SKAP2: variants seen among roughly 807,000 people sequenced by gnomAD.
The protein encoded by SKAP2 is src kinase-associated phosphoprotein 2.
Under a neutral mutation model 54.9 loss-of-function variants are expected in SKAP2, and 28 were observed. The ratio of observed to expected loss-of-function variants is 0.51; its 90% CI spans 0.38 to 0.70. SKAP2 has a LOEUF of 0.70. Ranked by LOEUF, SKAP2 falls within the 30% of genes least tolerant of loss-of-function variation. SKAP2 has a pLI of 0.00. For missense variants in SKAP2, 356 were observed against 424.1 expected (o/e 0.84, Z 1.41); for synonymous variants, 137 against 134.3 (o/e 1.02, Z -0.14).
At chr7:26,759,074 G>A (rs1404530438) in intron 4 of SKAP2, among the ~76,000 whole-genome samples, 1 of 152,152 alleles carries the variant, frequency 6.6e-6, no homozygotes, top group Non-Finnish European at 1.5e-5. Flanking sequence ...TCAAACTGAT[G>A]TAAAAATATG....
intron 4 of SKAP2, among the ~76,000 whole-genome samples, chr7:26,831,894 T>C (rs983396750): frequency 6.6e-6 from 1 of 152,090 alleles, no homozygotes; most frequent in Non-Finnish European, 1.5e-5. Context: ...AATCCTCATC[T>C]CCCATTCTCC....
chr7:26,857,535 G>C, intron 1 of SKAP2: 1 of 985,340 alleles, frequency 1.0e-6, no homozygotes, highest in African/African-American at 1.7e-5. Context: ...GCCGGTGTCT[G>C]AGCAACACAC....
intron 4 of SKAP2, among the ~76,000 whole-genome samples, chr7:26,757,477 G>A (rs144757523): frequency 2.6e-5 from 4 of 152,174 alleles, no homozygotes; most frequent in Middle Eastern, 3.4e-3. Flanking sequence ...AAGATCAGAC[G>A]GTTGCAGATG....
At chr7:26,744,845 T>A (rs896642163) in intron 4 of SKAP2, among the ~76,000 whole-genome samples, 2 of 152,108 alleles carry the variant, frequency 1.3e-5, no homozygotes, top group East Asian at 3.8e-4. Flanking sequence ...CAAAGTGCAA[T>A]GACTCAGAGA....
At chr7:26,724,417 G>T (rs983295844) in intron 9 of SKAP2, among the ~76,000 whole-genome samples, 1 of 151,986 alleles carries the variant, frequency 6.6e-6, no homozygotes, top group African/African-American at 2.4e-5. Context: ...CTAGTCAATG[G>T]TACAGCCAGA....
At chr7:26,819,122 C>T (rs1784331464) in intron 4 of SKAP2, among the ~76,000 whole-genome samples, 1 of 152,112 alleles carries the variant, frequency 6.6e-6, no homozygotes, top group Admixed American at 6.5e-5. Flanking sequence ...CACATGCACA[C>T]ATATGTTTAT....
downstream of SKAP2, chr7:26,667,025 A>G (rs1786115520): frequency 6.6e-6 from 1 of 152,236 alleles, no homozygotes; most frequent in Admixed American, 6.5e-5. Context: ...AAGTAATTTC[A>G]TTAGTAACAC....
At chr7:26,763,684 G>C (rs1415344837) in intron 4 of SKAP2, among the ~76,000 whole-genome samples, 1 of 152,086 alleles carries the variant, frequency 6.6e-6, no homozygotes, top group Non-Finnish European at 1.5e-5. Context: ...CTTAACAACA[G>C]GGATACATTC....
chr7:26,736,410 C>T (rs1787942731), intron 6 of SKAP2, among the ~76,000 whole-genome samples: 1 of 142,008 alleles, frequency 7.0e-6, no homozygotes, highest in Non-Finnish European at 1.5e-5. Context: ...ATGGCAACAT[C>T]AGGAAGTTAC....
intron 9 of SKAP2, among the ~76,000 whole-genome samples, chr7:26,702,100 AT>A (rs1344849136): frequency 1.3e-5 from 2 of 151,570 alleles, no homozygotes; most frequent in Non-Finnish European, 2.9e-5. Context: ...TATTTCCTAC[AT>A]CCTTCTGTCT....
intron 4 of SKAP2, among the ~76,000 whole-genome samples, chr7:26,786,737 G>A (rs1198441569): frequency 6.6e-6 from 1 of 152,194 alleles, no homozygotes; most frequent in Non-Finnish European, 1.5e-5. Context: ...ATCTCAGTCT[G>A]TATCTAAACA....
At chr7:26,780,096 A>G (rs1426990374) in intron 4 of SKAP2, among the ~76,000 whole-genome samples, 1 of 152,070 alleles carries the variant, frequency 6.6e-6, no homozygotes, top group Non-Finnish European at 1.5e-5. Context: ...AAGACAGCCA[A>G]ACTGGCCTGT....
chr7:26,682,474 G>C (rs1260292490), intron 11 of SKAP2, among the ~76,000 whole-genome samples: 1 of 152,092 alleles, frequency 6.6e-6, no homozygotes, highest in Non-Finnish European at 1.5e-5. Context: ...ATTCCACTAG[G>C]TCCACAGCTG....
At chr7:26,663,306 A>G (rs1007094033), downstream of SKAP2, among the ~76,000 whole-genome samples, 4 of 152,086 alleles carry the variant, frequency 2.6e-5, no homozygotes, top group Non-Finnish European at 4.4e-5. Flanking sequence ...CATAATAGTG[A>G]ATGTTAGTCC....
intron 4 of SKAP2, among the ~76,000 whole-genome samples, chr7:26,745,194 C>T (rs1782535924): frequency 6.6e-6 from 1 of 152,178 alleles, no homozygotes; most frequent in Non-Finnish European, 1.5e-5. Context: ...CTAAAGTTTC[C>T]TTTTCCCTTA....
At chr7:26,799,128 G>A (rs1438043044) in intron 4 of SKAP2, among the ~76,000 whole-genome samples, 1 of 151,272 alleles carries the variant, frequency 6.6e-6, no homozygotes, top group Non-Finnish European at 1.5e-5. Context: ...GGCAAGGCAA[G>A]GCAAGGCAAG....
chr7:26,730,931 G>T (rs1038680684), intron 6 of SKAP2, among the ~76,000 whole-genome samples: 3 of 152,036 alleles, frequency 2.0e-5, no homozygotes, highest in African/African-American at 7.2e-5. Context: ...GAACTTAATA[G>T]AACATATCTC....
intron 6 of SKAP2, among the ~76,000 whole-genome samples, chr7:26,735,614 C>T (rs1787913104): frequency 6.6e-6 from 1 of 152,164 alleles, no homozygotes; most frequent in African/African-American, 2.4e-5. Flanking sequence ...TAAGTGGTGT[C>T]AACTCCTTCT....
At chr7:26,842,513 G>A (rs2127995445) in intron 4 of SKAP2, among the ~76,000 whole-genome samples, 1 of 151,840 alleles carries the variant, frequency 6.6e-6, no homozygotes, top group East Asian at 1.9e-4. Flanking sequence ...AATTTTTCAA[G>A]AATACACATA....
Sources: allele counts gnomAD v4.1 joint callset (sites outside exome capture counted in the v4.1 genomes callset), GRCh38; gene constraint gnomAD v4.1.1; transcripts MANE v1.5; gene names NCBI Gene and HGNC (gene_info 2026-07-23, HGNC 2026-07-21).